The following GPC5 variants were observed in gnomAD, a reference collection of about 807,000 sequenced individuals.
GPC5 encodes the protein glypican 5.
Under a neutral mutation model 53.9 loss-of-function variants are expected in GPC5, and 47 were observed. The observed-to-expected ratio is 0.87, with a 90% confidence interval of 0.69 to 1.11. The LOEUF (loss-of-function observed/expected upper bound fraction) is 1.11. Ranked by LOEUF, GPC5 falls within the 50% of genes most tolerant of loss-of-function variation. The pLI is 0.00. For synonymous variants in GPC5, 286 were observed against 263.3 expected (o/e 1.09, Z -0.84); for missense variants, 748 against 713.1 (o/e 1.05, Z -0.56).
intron 2 of GPC5, among the ~76,000 whole-genome samples, chr13:91,566,864 GT>G (rs1300044756): frequency 6.6e-6 from 1 of 150,412 alleles, no homozygotes; most frequent in African/African-American, 2.5e-5. Flanking sequence ...AAAATGTTGA[GT>G]AAATATTCAT....
chr13:91,784,697 T>A (rs2037850738), intron 5 of GPC5, among the ~76,000 whole-genome samples: 1 of 143,610 alleles, frequency 7.0e-6, no homozygotes, highest in East Asian at 2.0e-4. Flanking sequence ...GAACCCCAGC[T>A]TGGGCAACAA....
intron 7 of GPC5, among the ~76,000 whole-genome samples, chr13:92,147,667 T>C (rs962233842): frequency 6.6e-6 from 1 of 152,002 alleles, no homozygotes; most frequent in Non-Finnish European, 1.5e-5. Flanking sequence ...CCATCAGAAT[T>C]TGGGCGATTT....
At chr13:92,251,158 G>C (rs2042690172) in intron 7 of GPC5, among the ~76,000 whole-genome samples, 1 of 152,124 alleles carries the variant, frequency 6.6e-6, no homozygotes, top group South Asian at 2.1e-4. Context: ...AGTGAAGCTG[G>C]GGAAGCAGTT....
chr13:91,447,674 T>G (rs1880900983), intron 1 of GPC5, among the ~76,000 whole-genome samples: 1 of 152,162 alleles, frequency 6.6e-6, no homozygotes, highest in Non-Finnish European at 1.5e-5. Flanking sequence ...GGTTGTTATG[T>G]GCATGCGTCT....
At chr13:91,641,393 A>G (rs1355735149) in intron 2 of GPC5, among the ~76,000 whole-genome samples, 2 of 152,192 alleles carry the variant, frequency 1.3e-5, no homozygotes. Context: ...GTTCTCGTTT[A>G]TAAGTGGGAG....
intron 7 of GPC5, among the ~76,000 whole-genome samples, chr13:92,217,398 C>G (rs951118818): frequency 6.6e-6 from 1 of 152,172 alleles, no homozygotes; most frequent in Non-Finnish European, 1.5e-5. Flanking sequence ...CCTTCATTAT[C>G]CAGTTTCTCA....
intron 7 of GPC5, among the ~76,000 whole-genome samples, chr13:92,714,653 T>C (rs984402712): frequency 6.6e-6 from 1 of 152,198 alleles, no homozygotes; most frequent in African/African-American, 2.4e-5. Context: ...TATATGAAAA[T>C]ATTTCAATTG....
chr13:91,471,676 T>G (rs1882641689), intron 2 of GPC5, among the ~76,000 whole-genome samples: 1 of 152,184 alleles, frequency 6.6e-6, no homozygotes, highest in Non-Finnish European at 1.5e-5. Context: ...AACACCACTT[T>G]GTGGCTAGTA....
At chr13:91,647,343 G>A (rs1003838508) in intron 2 of GPC5, among the ~76,000 whole-genome samples, 3 of 152,096 alleles carry the variant, frequency 2.0e-5, no homozygotes, top group East Asian at 1.9e-4. Context: ...TTATTAAACC[G>A]ATGTTTCTTG....
intron 2 of GPC5, chr13:91,486,645 C>G (rs966328400): frequency 6.6e-6 from 1 of 152,234 alleles, no homozygotes; most frequent in South Asian, 2.1e-4. Flanking sequence ...GCAGGATAAA[C>G]CTTGCTCAAT....
intron 1 of GPC5, among the ~76,000 whole-genome samples, chr13:91,416,700 T>C (rs1878255562): frequency 6.6e-6 from 1 of 151,294 alleles, no homozygotes; most frequent in Admixed American, 6.6e-5. Context: ...GAACATACGG[T>C]GTTTGGTTTT....
intron 2 of GPC5, among the ~76,000 whole-genome samples, chr13:91,536,445 C>A (rs1041602451): frequency 6.6e-6 from 1 of 152,108 alleles, no homozygotes; most frequent in African/African-American, 2.4e-5. Context: ...AAGTCTTATT[C>A]CCCAATAATT....
intron 7 of GPC5, among the ~76,000 whole-genome samples, chr13:92,628,442 A>G (rs1307177769): frequency 6.6e-6 from 1 of 151,838 alleles, no homozygotes; most frequent in African/African-American, 2.4e-5. Context: ...TCCCCAGGCT[A>G]GAGCCATTAG....
chr13:91,432,230 T>TGTGGGG (rs894258454), intron 1 of GPC5, among the ~76,000 whole-genome samples: 7 of 150,588 alleles, frequency 4.6e-5, no homozygotes, highest in African/African-American at 1.5e-4. Context: ...TGTGTGTGTG[T>TGTGGGG]GTGTGTGTGT....
rs368292035 is a variant in GPC5 at position 92,615,228 on chromosome 13, GTTC to G, written c.1562-251051_1562-251049del. 3.7e-3 allele frequency among the ~76,000 whole-genome samples: 564 copies of G among 152,262 alleles called. 5 individuals carry two copies. The highest frequency in any genetic ancestry group is 0.012 in the African/African-American group (518 of 41,562). On this transcript the variant is annotated intron_variant, in intron 7 of 7. Coordinates refer to ENST00000377067, the MANE Select transcript of GPC5 (RefSeq NM_004466.6). ...CACTGCTTCCTTTACCATAGCAGTT[GTTC>G]TTATGTTGACAATTAAGGCTTAGCA...
At chr13:92,292,093 C>T (rs1391470690) in intron 7 of GPC5, among the ~76,000 whole-genome samples, 1 of 152,220 alleles carries the variant, frequency 6.6e-6, no homozygotes, top group Non-Finnish European at 1.5e-5. Flanking sequence ...GATTGATGGG[C>T]ATTTGGGTTG....
intron 5 of GPC5, among the ~76,000 whole-genome samples, chr13:91,758,768 C>T (rs780488911): frequency 6.6e-6 from 1 of 152,136 alleles, no homozygotes; most frequent in Non-Finnish European, 1.5e-5. Flanking sequence ...ACCACAGACT[C>T]CTGTCTATTA....
At chr13:92,682,855 A>G (rs1190176271) in intron 7 of GPC5, among the ~76,000 whole-genome samples, 1 of 152,224 alleles carries the variant, frequency 6.6e-6, no homozygotes, top group Admixed American at 6.5e-5. Context: ...AAACACTGGC[A>G]TTGTATTTCC....
chr13:92,477,022 T>C (rs1879172666), intron 7 of GPC5, among the ~76,000 whole-genome samples: 1 of 148,378 alleles, frequency 6.7e-6, no homozygotes, highest in African/African-American at 2.5e-5. Context: ...TGTGCACATG[T>C]ACCCTAAAAC....
Sources: allele counts gnomAD v4.1 joint callset (sites outside exome capture counted in the v4.1 genomes callset), GRCh38; gene constraint gnomAD v4.1.1; transcripts MANE v1.5; gene names NCBI Gene and HGNC (gene_info 2026-07-23, HGNC 2026-07-21).